The following SPIRE1 variants were observed in gnomAD, a reference collection of about 807,000 sequenced individuals.
SPIRE1 encodes spire type actin nucleation factor 1.
In SPIRE1, 40 loss-of-function variants were observed where a neutral mutation model predicts 94.1. The observed-to-expected ratio is 0.43, with a 90% CI of 0.33 to 0.55. The LOEUF (loss-of-function observed/expected upper bound fraction) is 0.55, where lower values mean the gene tolerates loss of function less well. Among genes scored for constraint, SPIRE1 ranks in the 20% least tolerant of loss-of-function variants. The probability of loss-of-function intolerance (pLI) is 0.06; values close to 1 mark genes in which losing one functional copy is unlikely to be tolerated. For synonymous variants in SPIRE1, 376 were observed against 371.7 expected (o/e 1.01, Z -0.13); for missense variants, 838 against 975.2 (o/e 0.86, Z 1.87).
chr18:12,486,623 C>T (rs932219687), intron 8 of SPIRE1, among the ~76,000 whole-genome samples: 1 of 152,298 alleles, frequency 6.6e-6, no homozygotes, highest in Non-Finnish European at 1.5e-5. Context: ...AGTTACTTAA[C>T]CTCTCTGTGC....
intron 6 of SPIRE1, among the ~76,000 whole-genome samples, chr18:12,498,559 T>G (rs2033545109): frequency 6.6e-6 from 1 of 152,128 alleles, no homozygotes; most frequent in Non-Finnish European, 1.5e-5. Context: ...AACAAAAAAC[T>G]TCTAACACAT....
rs1333022590 is a variant in SPIRE1, at chr18:12,449,139, T to G, written c.*499A>C. On this transcript the variant is annotated 3_prime_UTR_variant, in exon 17 of 17. Transcript: ENST00000409402. The stretch of plus-strand genomic sequence containing the variant: ...TCAGTTGAAGAGTGTCAGCAGGTGC[T>G]TCTAGGTTCTGTGCTGTGAGCCCCC... 6.5e-6 allele frequency: 1 copy of G among 153,986 alleles called. No individual in the cohort carries two copies. Among genetic ancestry groups the G allele is most frequent in the African/African-American group, 2.4e-5 (1 of 41,438 alleles). The allele number at this position is 153,986 out of a possible 1,614,324, so 9.5% of individuals were successfully genotyped here.
intron 2 of SPIRE1, among the ~76,000 whole-genome samples, chr18:12,587,055 C>G (rs925350440): frequency 3.9e-5 from 6 of 152,170 alleles, no homozygotes; most frequent in African/African-American, 1.4e-4. Flanking sequence ...GTAATTCTAT[C>G]AAGTAGGTAT....
chr18:12,584,930 T>G (rs1432456126), intron 2 of SPIRE1, among the ~76,000 whole-genome samples: 1 of 151,976 alleles, frequency 6.6e-6, no homozygotes, highest in Non-Finnish European at 1.5e-5. Flanking sequence ...CTCAGCCTCC[T>G]GAGTAGCTGG....
At chr18:12,652,385 C>A (rs2038404610) in intron 1 of SPIRE1, among the ~76,000 whole-genome samples, 1 of 152,204 alleles carries the variant, frequency 6.6e-6, no homozygotes. Flanking sequence ...CTTATTATTA[C>A]TACAACTGCA....
At position 12,479,705 on chromosome 18, in the gene SPIRE1, C is replaced by A; in HGVS notation, c.1398G>T (p.Glu466Asp). ...APTLAELDSS[E>D]SEEETLHKST... The stretch of plus-strand genomic sequence containing the variant: ...GGGTGAACTGGGGCCTCACCTCAGA[C>A]TCAGAGCTGTCCAGTTCGGCCAGAG... Residue 466 changes from glutamate to aspartate, a missense_variant, in exon 10 of 17, where the codon GAG (glutamate) becomes GAT (aspartate). Physicochemically the swap from Glu to Asp is conservative, Grantham distance 45. This residue lies in a region of SPIRE1 where 645 missense variants were observed against 804.7 expected (regional missense o/e 0.80). Transcript: ENST00000409402. 6.2e-7 allele frequency: 1 copy of A among 1,611,038 alleles called. No homozygotes were observed. Among genetic ancestry groups the A allele is most frequent in the East Asian group, 2.2e-5 (1 of 44,858 alleles).
At chr18:12,659,312 C>G (rs189911786), upstream of SPIRE1, among the ~76,000 whole-genome samples, 1 of 152,258 alleles carries the variant, frequency 6.6e-6, no homozygotes, top group East Asian at 1.9e-4. Context: ...GAGATACCAT[C>G]TTACATACAG....
At chr18:12,517,300 AATG>A (rs541157136) in intron 4 of SPIRE1, among the ~76,000 whole-genome samples, 2 of 152,156 alleles carry the variant, frequency 1.3e-5, no homozygotes, top group Non-Finnish European at 2.9e-5. Flanking sequence ...TGTTTTGCAA[AATG>A]ATACCTCTCC....
chr18:12,530,692 G>A (rs1265659448), intron 4 of SPIRE1, among the ~76,000 whole-genome samples: 7 of 152,244 alleles, frequency 4.6e-5, no homozygotes, highest in Admixed American at 2.0e-4. Context: ...CATGAATAAT[G>A]AATGGTATGA....
intron 2 of SPIRE1, among the ~76,000 whole-genome samples, chr18:12,609,149 T>C (rs2037068139): frequency 6.6e-6 from 1 of 152,224 alleles, no homozygotes; most frequent in Admixed American, 6.5e-5. Context: ...GCTCAGGTTG[T>C]AATGCTCACT....
chr18:12,635,066 G>T lies in SPIRE1; in HGVS notation c.368C>A (p.Thr123Lys). 1 of 1,455,460 alleles carries T rather than the reference G, an allele frequency of 6.9e-7. No homozygotes were observed. The allele number at this position is 1,455,460 out of a possible 1,614,324, so 90.2% of individuals were successfully genotyped here. A position where few individuals can be genotyped will look rare whatever the true frequency, so the allele number is the denominator to read the frequency against. Residue 123 changes from threonine (T) to lysine (K), a missense_variant, in exon 2 of 17, where the codon ACA (threonine) becomes AAA (lysine). Coordinates refer to ENST00000409402, the MANE Select transcript of SPIRE1 (RefSeq NM_001128626.2). ...ATATTTGAGTATTTCACTTACCTCT[G>T]TTTCCATACATTGTGAATATCCCAA... ...GKLGYSQCME[T>K]EVIESLGIII...
At chr18:12,611,432 TAGTA>T (rs2037138502) in intron 2 of SPIRE1, among the ~76,000 whole-genome samples, 1 of 152,226 alleles carries the variant, frequency 6.6e-6, no homozygotes. Context: ...GAAGCCTATA[TAGTA>T]AGTAAGAAAC....
At chr18:12,658,406 G>A (rs2038623913), upstream of SPIRE1, 7 of 403,156 alleles carry the variant, frequency 1.7e-5, no homozygotes, top group South Asian at 1.3e-4. Context: ...CAGGGTTGTG[G>A]GGCGTGGGGG....
chr18:12,478,517 G>A (rs1242951782), intron 10 of SPIRE1, among the ~76,000 whole-genome samples: 1 of 150,062 alleles, frequency 6.7e-6, no homozygotes, highest in Non-Finnish European at 1.5e-5. Flanking sequence ...GAGTGTGTGT[G>A]TGTGCATGTG....
At chr18:12,644,161 T>C (rs764367380) in intron 1 of SPIRE1, among the ~76,000 whole-genome samples, 54 of 136,120 alleles carry the variant, frequency 4.0e-4, no homozygotes, top group Non-Finnish European at 6.4e-4. Flanking sequence ...ATCGAGCCAC[T>C]GCACTCCAGC....
intron 2 of SPIRE1, among the ~76,000 whole-genome samples, chr18:12,556,694 C>T (rs2144357353): frequency 1.3e-5 from 2 of 152,210 alleles, no homozygotes; most frequent in East Asian, 3.9e-4. Context: ...GGAGTTGTTC[C>T]TCCCTCCCGC....
chr18:12,495,999 T>C lies in SPIRE1; in HGVS notation c.1059+17A>G. ...TTATGATATCTCCAATCTAGAGAACTATGTCGAATTACATACTGGATTTAA... is the reference window on the plus strand; with the variant it reads ...TTATGATATCTCCAATCTAGAGAACCATGTCGAATTACATACTGGATTTAA... On this transcript the variant is annotated intron_variant, in intron 7 of 16. Transcript: ENST00000409402. 3.2e-6 allele frequency: 5 copies of C among 1,554,746 alleles called. No individual in the cohort carries two copies. Among genetic ancestry groups the C allele is most frequent in the Non-Finnish European group, 4.4e-6 (5 of 1,125,928 alleles).
At chr18:12,535,288 T>C (rs2034802212) in intron 4 of SPIRE1, among the ~76,000 whole-genome samples, 188 bp downstream of exon 4, 2 of 152,208 alleles carry the variant, frequency 1.3e-5, no homozygotes, top group African/African-American at 4.8e-5. Context: ...GATATTTCAA[T>C]ACAATAGATT....
At chr18:12,529,611 C>T (rs1034444705) in intron 4 of SPIRE1, among the ~76,000 whole-genome samples, 5 of 152,142 alleles carry the variant, frequency 3.3e-5, no homozygotes, top group African/African-American at 1.2e-4. Flanking sequence ...ACAACCCACA[C>T]CTGTAGAGCC....
Sources: gnomAD v4.1 joint callset for allele counts (sites outside exome capture counted in the v4.1 genomes callset) on GRCh38, gnomAD v4.1.1 for gene constraint, gnomAD v4.1.1 regional missense constraint, MANE v1.5 for transcripts, NCBI Gene and HGNC (gene_info 2026-07-23, HGNC 2026-07-21) for gene names.